Variants in CSMD1 observed in about 807,000 individuals in gnomAD.
The protein encoded by CSMD1 is CUB and sushi domain-containing protein 1.
In CSMD1, 213 loss-of-function variants were observed where a neutral mutation model predicts 417.5. The observed-to-expected ratio is 0.51, with a 90% CI of 0.46 to 0.57. The LOEUF (loss-of-function observed/expected upper bound fraction) is 0.57. Among genes scored for constraint, CSMD1 ranks in the 20% least tolerant of loss-of-function variants. The pLI is 0.00. For synonymous variants in CSMD1, 2,862 were observed against 1,736.8 expected (o/e 1.65, Z -16.11); for missense variants, 6,923 against 4,529.7 (o/e 1.53, Z -15.17).
At chr8:3,307,146 T>G (rs1457714246) in intron 25 of CSMD1, among the ~76,000 whole-genome samples, 2 of 152,096 alleles carry the variant, frequency 1.3e-5, no homozygotes, top group Admixed American at 6.6e-5. Flanking sequence ...ATATCTTGAG[T>G]CTTGCCTAGC....
chr8:4,052,205 A>T (rs77700173), intron 3 of CSMD1, among the ~76,000 whole-genome samples: 17,495 of 152,132 alleles, frequency 0.11, 1,532 homozygotes, highest in East Asian at 0.35. Context: ...GGTTACAGGC[A>T]TGAGCCACCG....
chr8:4,384,532 A>T (rs1803320737), intron 3 of CSMD1, among the ~76,000 whole-genome samples: 1 of 152,222 alleles, frequency 6.6e-6, no homozygotes, highest in Non-Finnish European at 1.5e-5. Flanking sequence ...TTTATTCAAT[A>T]CTTTATGAAG....
At chr8:4,227,668 GAC>G (rs1198013527) in intron 3 of CSMD1, among the ~76,000 whole-genome samples, 2 of 151,994 alleles carry the variant, frequency 1.3e-5, no homozygotes, top group Non-Finnish European at 2.9e-5. Flanking sequence ...CCTCCTGGCA[GAC>G]ACAGCCTCCA....
At chr8:4,074,659 A>G (rs1391351238) in intron 3 of CSMD1, among the ~76,000 whole-genome samples, 1 of 152,110 alleles carries the variant, frequency 6.6e-6, no homozygotes, top group African/African-American at 2.4e-5. Context: ...CCATCCTTTT[A>G]TAATTGACAA....
At chr8:3,611,873 T>A (rs1801910714) in intron 8 of CSMD1, among the ~76,000 whole-genome samples, 1 of 152,092 alleles carries the variant, frequency 6.6e-6, no homozygotes, top group African/African-American at 2.4e-5. Context: ...CAATAAATTT[T>A]GATGTAAGAA....
chr8:3,942,405 G>A (rs993905704), intron 5 of CSMD1, among the ~76,000 whole-genome samples: 1 of 152,090 alleles, frequency 6.6e-6, no homozygotes, highest in Non-Finnish European at 1.5e-5. Context: ...AAGTGACACT[G>A]CTAAGGCAAA....
intron 3 of CSMD1, among the ~76,000 whole-genome samples, chr8:4,190,846 G>T (rs1382975149): frequency 6.6e-6 from 1 of 151,358 alleles, no homozygotes; most frequent in Non-Finnish European, 1.5e-5. Flanking sequence ...ACTGATGCAG[G>T]AACAGAAAAC....
In CSMD1 at chr8:3,926,390, A is replaced by AT. The variant is rs139920108; in HGVS notation, c.818+71512dup. 5.5e-3 allele frequency among the ~76,000 whole-genome samples: 840 copies of AT among 151,986 alleles called. 10 individuals are homozygous for AT. The highest frequency in any genetic ancestry group is 0.019 in the African/African-American group (803 of 41,482). On this transcript the variant is annotated intron_variant, in intron 5 of 69. Coordinates refer to ENST00000635120, the MANE Select transcript of CSMD1 (RefSeq NM_033225.6). ...TCACCAGAAACAGGAGGGCAGTAAG[A>AT]TTTTTTCTGTCTTTTGTTGAGATAT... is the stretch of plus-strand genomic sequence containing the variant.
intron 5 of CSMD1, among the ~76,000 whole-genome samples, chr8:3,976,556 T>C (rs188413224): frequency 6.6e-6 from 1 of 152,332 alleles, no homozygotes; most frequent in East Asian, 1.9e-4. Flanking sequence ...AAACAGAGTG[T>C]CTTCTCAGCA....
At chr8:3,500,050 C>A (rs1019185548) in intron 10 of CSMD1, among the ~76,000 whole-genome samples, 1 of 152,012 alleles carries the variant, frequency 6.6e-6, no homozygotes, top group Non-Finnish European at 1.5e-5. Flanking sequence ...GGGAGTGTGA[C>A]CTGCTGGGGA....
At chr8:3,890,338 A>G (rs1806878003) in intron 5 of CSMD1, among the ~76,000 whole-genome samples, 1 of 152,172 alleles carries the variant, frequency 6.6e-6, no homozygotes, top group Admixed American at 6.5e-5. Flanking sequence ...TGAATTCAAC[A>G]GGCACTGGGC....
chr8:3,299,948 TG>T (rs1320853222), intron 25 of CSMD1, among the ~76,000 whole-genome samples: 2 of 152,160 alleles, frequency 1.3e-5, no homozygotes, highest in Non-Finnish European at 2.9e-5. Context: ...AAAATTGAAA[TG>T]TGCAAACATA....
chr8:4,464,178 A>G (rs958716720), intron 2 of CSMD1, among the ~76,000 whole-genome samples: 9 of 152,156 alleles, frequency 5.9e-5, no homozygotes, highest in Non-Finnish European at 1.2e-4. Context: ...TACTTCACTT[A>G]CAGGACTCTA....
intron 5 of CSMD1, among the ~76,000 whole-genome samples, chr8:3,894,120 A>G (rs1180675850): frequency 6.6e-6 from 1 of 152,054 alleles, no homozygotes; most frequent in Admixed American, 6.5e-5. Context: ...TCTGCACCTC[A>G]CTTAAAAATA....
chr8:4,304,373 G>A (rs1389476374), intron 3 of CSMD1, among the ~76,000 whole-genome samples: 1 of 152,110 alleles, frequency 6.6e-6, no homozygotes, highest in South Asian at 2.1e-4. Flanking sequence ...ATCAAAGTGA[G>A]CTCATGTTGT....
chr8:4,586,079 A>G (rs1799684182), intron 2 of CSMD1, among the ~76,000 whole-genome samples: 1 of 152,352 alleles, frequency 6.6e-6, no homozygotes, highest in East Asian at 1.9e-4. Context: ...ATATTTTCAC[A>G]CAAGCATACA....
intron 5 of CSMD1, among the ~76,000 whole-genome samples, chr8:3,910,262 T>C (rs1052360365): frequency 6.6e-6 from 1 of 152,136 alleles, no homozygotes; most frequent in African/African-American, 2.4e-5. Context: ...CAGAGGCGTT[T>C]CCCAGCTGCT....
At chr8:3,768,129 T>C (rs973897824) in intron 5 of CSMD1, among the ~76,000 whole-genome samples, 2 of 151,312 alleles carry the variant, frequency 1.3e-5, no homozygotes, top group South Asian at 4.2e-4. Context: ...TCTTCAAAGA[T>C]AGCAGAGAGG....
chr8:4,592,193 C>T (rs890068990), intron 2 of CSMD1, among the ~76,000 whole-genome samples: 14 of 151,162 alleles, frequency 9.3e-5, no homozygotes, highest in Non-Finnish European at 1.5e-5. Flanking sequence ...AGATTTCATG[C>T]TCCCAACAAG....
Sources: gnomAD v4.1 joint callset for allele counts (sites outside exome capture counted in the v4.1 genomes callset) on GRCh38, gnomAD v4.1.1 for gene constraint, MANE v1.5 for transcripts, NCBI Gene and HGNC (gene_info 2026-07-23, HGNC 2026-07-21) for gene names.